The following NLGN1 variants were observed in gnomAD, a reference collection of about 807,000 sequenced individuals.
NLGN1 encodes the protein neuroligin 1.
A neutral mutation model predicts 65.5 loss-of-function variants in NLGN1; 12 were observed. The observed-to-expected ratio is 0.18, with a 90% CI of 0.12 to 0.30. NLGN1 has a LOEUF of 0.30. Ranked by LOEUF, NLGN1 falls within the 10% of genes least tolerant of loss-of-function variation. The probability of loss-of-function intolerance (pLI) is 1.00; values close to 1 mark genes in which losing one functional copy is unlikely to be tolerated. For missense variants in NLGN1, 750 were observed against 1,007.1 expected (o/e 0.74, Z 3.46); for synonymous variants, 350 against 359.5 (o/e 0.97, Z 0.30).
intron 3 of NLGN1, among the ~76,000 whole-genome samples, chr3:173,705,226 T>C (rs952574612): frequency 1.9e-4 from 29 of 152,114 alleles, no homozygotes; most frequent in Non-Finnish European, 2.9e-4. Context: ...CCTGAAGATA[T>C]GTTTGAAAAA....
At chr3:173,542,204 C>T (rs1739003100) in intron 2 of NLGN1, among the ~76,000 whole-genome samples, 1 of 151,600 alleles carries the variant, frequency 6.6e-6, no homozygotes, top group African/African-American at 2.4e-5. Context: ...ATTCATTTCC[C>T]CTTTCTAAGA....
rs7613618 is a variant in NLGN1, at chr3:173,782,603, A to G, written c.494-25077A>G. 4.5e-3 allele frequency among the ~76,000 whole-genome samples: 686 copies of G among 151,988 alleles called. 8 individuals are homozygous for G. The highest frequency in any genetic ancestry group is 0.016 in the African/African-American group (657 of 41,444). On this transcript the variant is annotated intron_variant, in intron 3 of 6. Coordinates refer to ENST00000457714, the Ensembl canonical transcript of NLGN1. ...TAAAATAACTGTAGGTATTTTATCT[A>G]TTCACTCCATGCCTCGGGCAGCCCC...
chr3:173,978,485 G>A (rs1444364770), intron 4 of NLGN1, among the ~76,000 whole-genome samples: 1 of 151,990 alleles, frequency 6.6e-6, no homozygotes, highest in African/African-American at 2.4e-5. Flanking sequence ...GTTCATGGAA[G>A]TACCTATGAA....
intron 4 of NLGN1, among the ~76,000 whole-genome samples, chr3:174,258,006 A>G (rs1166014894): frequency 6.6e-6 from 1 of 151,666 alleles, no homozygotes; most frequent in African/African-American, 2.4e-5. Context: ...AATTAATTTG[A>G]TAATTACTAA....
chr3:173,444,065 G>A (rs911572829), intron 2 of NLGN1, among the ~76,000 whole-genome samples: 1 of 152,200 alleles, frequency 6.6e-6, no homozygotes, highest in East Asian at 1.9e-4. Context: ...AAAAAATATA[G>A]TTTGAAAAAT....
chr3:173,603,404 T>G (rs958646879), intron 2 of NLGN1, among the ~76,000 whole-genome samples: 1 of 152,006 alleles, frequency 6.6e-6, no homozygotes, highest in Non-Finnish European at 1.5e-5. Flanking sequence ...TAGGTATGAT[T>G]ATTTTTTTAA....
rs528836584 is a variant in NLGN1, at chr3:174,055,565, A to G, written c.647-219750A>G. On this transcript the variant is annotated intron_variant, in intron 4 of 6. Coordinates refer to ENST00000457714, the Ensembl canonical transcript of NLGN1. Reference sequence around the variant, plus strand: ...TTTAACTTGTGGGATGTGTGAAATCATTAAAGATTTTAGGCACTCTAGGAA... The same window carrying G: ...TTTAACTTGTGGGATGTGTGAAATCGTTAAAGATTTTAGGCACTCTAGGAA... Among the ~76,000 whole-genome samples the G allele has an allele frequency of 3.3e-5, 5 of 152,168 alleles. No homozygotes were observed. In the South Asian group the frequency reaches 8.3e-4, roughly 25 times the overall value.
chr3:174,144,727 T>A (rs1722897130), intron 4 of NLGN1, among the ~76,000 whole-genome samples: 3 of 152,220 alleles, frequency 2.0e-5, no homozygotes, highest in African/African-American at 7.2e-5. Flanking sequence ...TTGAGAAGTG[T>A]CTGTTCATAT....
At chr3:174,010,526 T>A (rs1725324789) in intron 4 of NLGN1, among the ~76,000 whole-genome samples, 1 of 152,314 alleles carries the variant, frequency 6.6e-6, no homozygotes, top group South Asian at 2.1e-4. Flanking sequence ...TTAAGGCATC[T>A]ATGCTTAATA....
At chr3:173,917,971 T>C (rs1455568829) in intron 4 of NLGN1, among the ~76,000 whole-genome samples, 1 of 152,082 alleles carries the variant, frequency 6.6e-6, no homozygotes, top group African/African-American at 2.4e-5. Context: ...CATTTGTAAG[T>C]TAAACTTTTA....
chr3:174,192,090 C>T (rs1732495306), intron 4 of NLGN1, among the ~76,000 whole-genome samples: 1 of 151,952 alleles, frequency 6.6e-6, no homozygotes, highest in Admixed American at 6.6e-5. Flanking sequence ...GAAATTCCAT[C>T]ATATTCCGTT....
chr3:173,905,159 C>T (rs182233478), intron 4 of NLGN1, among the ~76,000 whole-genome samples: 23 of 152,294 alleles, frequency 1.5e-4, no homozygotes, highest in African/African-American at 5.5e-4. Flanking sequence ...TGTGGACTAT[C>T]GCCATAGCAG....
intron 4 of NLGN1, among the ~76,000 whole-genome samples, chr3:173,880,861 A>T (rs1033670717): frequency 4.6e-5 from 7 of 152,134 alleles, no homozygotes; most frequent in African/African-American, 1.4e-4. Context: ...TCACCGTAGA[A>T]CTTCTTTCCA....
At chr3:173,751,977 TAAAACA>T (rs1393206355) in intron 3 of NLGN1, among the ~76,000 whole-genome samples, 4 of 152,102 alleles carry the variant, frequency 2.6e-5, no homozygotes, top group Non-Finnish European at 4.4e-5. Context: ...CTGTGCTTGT[TAAAACA>T]CAATCTTAAC....
chr3:173,600,590 A>ATTTTTTTTTTTTTTTTTTTTTTTT (rs1553771688), intron 2 of NLGN1, among the ~76,000 whole-genome samples: 3 of 16,694 alleles, frequency 1.8e-4, no homozygotes, highest in Admixed American at 7.8e-4. Flanking sequence ...ATAAAAACAT[A>ATTTTTTTTTTTTTTTTTTTTTTTT]TCTTTTTTTT....
At chr3:174,090,750 T>TTC (rs1257786303) in intron 4 of NLGN1, among the ~76,000 whole-genome samples, 2 of 151,640 alleles carry the variant, frequency 1.3e-5, no homozygotes, top group East Asian at 1.9e-4. Flanking sequence ...TTTTTTTTTT[T>TTC]CAGAATGTTA....
At chr3:173,639,124 A>G (rs75630655) in intron 3 of NLGN1, among the ~76,000 whole-genome samples, 28 of 152,298 alleles carry the variant, frequency 1.8e-4, no homozygotes, top group Admixed American at 1.6e-3. Flanking sequence ...TTATTTCACT[A>G]TGTTTGCTTC....
intron 4 of NLGN1, among the ~76,000 whole-genome samples, chr3:173,934,889 G>A (rs1355871092): frequency 6.6e-6 from 1 of 151,914 alleles, no homozygotes; most frequent in Admixed American, 6.6e-5. Context: ...TATTATGTAT[G>A]CCTGTGGCAA....
intron 2 of NLGN1, among the ~76,000 whole-genome samples, chr3:173,485,083 G>C (rs1045318955): frequency 7.2e-6 from 1 of 138,564 alleles, no homozygotes; most frequent in Non-Finnish European, 1.5e-5. Flanking sequence ...AAGTAAGGAG[G>C]AGCAAGTCAT....
Sources: gnomAD v4.1 joint callset for allele counts (sites outside exome capture counted in the v4.1 genomes callset) on GRCh38, gnomAD v4.1.1 for gene constraint, MANE v1.5 for transcripts, NCBI Gene and HGNC (gene_info 2026-07-23, HGNC 2026-07-21) for gene names.